YAP1: variants seen among roughly 807,000 people sequenced by gnomAD.
YAP1 encodes transcriptional coactivator YAP1.
Under a neutral mutation model 56.9 loss-of-function variants are expected in YAP1, and 5 were observed. The ratio of observed to expected loss-of-function variants is 0.09; its 90% confidence interval spans 0.05 to 0.18. YAP1 has a LOEUF of 0.18. Among genes scored for constraint, YAP1 ranks in the 10% least tolerant of loss-of-function variants. The probability of loss-of-function intolerance (pLI) is 1.00; values close to 1 mark genes in which losing one functional copy is unlikely to be tolerated. For missense variants in YAP1, 539 were observed against 651.8 expected (o/e 0.83, Z 1.88); for synonymous variants, 265 against 248.1 (o/e 1.07, Z -0.64).
intron 3 of YAP1, among the ~76,000 whole-genome samples, chr11:102,165,778 CAGAT>C (rs1946568951): frequency 6.6e-6 from 1 of 152,030 alleles, no homozygotes; most frequent in Non-Finnish European, 1.5e-5. Flanking sequence ...GGATAACTGA[CAGAT>C]AGGATAACTG....
At chr11:102,123,103 A>T (rs868847405) in intron 2 of YAP1, among the ~76,000 whole-genome samples, 1 of 152,098 alleles carries the variant, frequency 6.6e-6, no homozygotes. Flanking sequence ...CTTTTCTTTA[A>T]TCCTCCCATT....
chr11:102,225,175 T>C (rs2135709846), intron 7 of YAP1, among the ~76,000 whole-genome samples: 1 of 142,042 alleles, frequency 7.0e-6, no homozygotes, highest in Middle Eastern at 3.6e-3. Flanking sequence ...TTGACTTTTT[T>C]TTTCTTTAAA....
chr11:102,142,458 T>C (rs1945077081), intron 2 of YAP1, among the ~76,000 whole-genome samples: 1 of 152,220 alleles, frequency 6.6e-6, no homozygotes, highest in Non-Finnish European at 1.5e-5. Flanking sequence ...GTTTCTGATT[T>C]GTACTTTTCT....
intron 4 of YAP1, among the ~76,000 whole-genome samples, chr11:102,200,743 C>G (rs1264806026): frequency 1.3e-5 from 2 of 152,048 alleles, no homozygotes; most frequent in African/African-American, 4.8e-5. Context: ...CCATGCCTGG[C>G]TAAGAATAAG....
At chr11:102,193,913 A>G (rs1193681104) in intron 4 of YAP1, among the ~76,000 whole-genome samples, 2 of 149,736 alleles carry the variant, frequency 1.3e-5, no homozygotes, top group Non-Finnish European at 1.5e-5. Context: ...ATCTTGGCTC[A>G]CTGCAACCTC....
At chr11:102,149,008 CT>C (rs774340579) in intron 2 of YAP1, among the ~76,000 whole-genome samples, 1 of 152,010 alleles carries the variant, frequency 6.6e-6, no homozygotes. Flanking sequence ...TTTTTTACTG[CT>C]TTGTGTGGTA....
intron 3 of YAP1, 29 bp downstream of exon 3, chr11:102,162,600 T>C: frequency 6.3e-7 from 1 of 1,597,780 alleles, no homozygotes; most frequent in Non-Finnish European, 8.6e-7. Context: ...TTACAGCACA[T>C]GGAGTAATGC....
At chr11:102,227,305 C>G (rs1950240177) in intron 7 of YAP1, among the ~76,000 whole-genome samples, 164 bp from the exon 8 acceptor site, 1 of 152,230 alleles carries the variant, frequency 6.6e-6, no homozygotes, top group South Asian at 2.1e-4. Context: ...AGCACAAGCC[C>G]TGTCTATGGC....
chr11:102,157,716 G>A (rs1946036030), intron 2 of YAP1, among the ~76,000 whole-genome samples: 1 of 152,160 alleles, frequency 6.6e-6, no homozygotes, highest in Non-Finnish European at 1.5e-5. Flanking sequence ...TCAGGGAAGT[G>A]GGTGACTTGG....
At chr11:102,119,846 ATT>A (rs1400354467) in intron 2 of YAP1, among the ~76,000 whole-genome samples, 2 of 152,176 alleles carry the variant, frequency 1.3e-5, no homozygotes, top group Non-Finnish European at 2.9e-5. Context: ...ATATATAGAA[ATT>A]TAAGCTTAGG....
At chr11:102,200,374 C>T (rs1031905538) in intron 4 of YAP1, among the ~76,000 whole-genome samples, 4 of 150,408 alleles carry the variant, frequency 2.7e-5, no homozygotes, top group Non-Finnish European at 4.4e-5. Context: ...GTGAATTTCT[C>T]TGTAGTTTGA....
chr11:102,229,588 T>A, intron 8 of YAP1, 114 bp from the exon 9 acceptor site: 1 of 878,264 alleles, frequency 1.1e-6, no homozygotes, highest in Admixed American at 2.4e-5. Flanking sequence ...AGGTATCAGT[T>A]TAGGTCAGTC....
chr11:102,191,747 A>G (rs1247860272), intron 4 of YAP1, among the ~76,000 whole-genome samples: 1 of 152,044 alleles, frequency 6.6e-6, no homozygotes, highest in Non-Finnish European at 1.5e-5. Context: ...GCATGGCTCA[A>G]TCTCAGTTCA....
Position 102,229,594 on chromosome 11 carries a change from C to G in YAP1, c.1277-108C>G, listed in dbSNP as rs1352623723. On this transcript the variant is annotated intron_variant, in intron 8 of 8. Coordinates refer to ENST00000282441, the MANE Select transcript of YAP1 (RefSeq NM_001130145.3). The stretch of plus-strand genomic sequence containing the variant: ...ATAAATTCTAGGTATCAGTTTAGGT[C>G]AGTCAGGAGCGCTTTTCTTTCCCTG... The G allele has an allele frequency of 4.2e-6, 4 of 944,804 alleles. No homozygotes were observed. The African/African-American group carries it at 6.6e-5, about 16-fold the overall frequency. 58.5% of individuals were successfully genotyped at this position (944,804 alleles called of 1,614,324 possible).
chr11:102,150,723 A>T (rs569630080), intron 2 of YAP1, among the ~76,000 whole-genome samples: 10 of 152,074 alleles, frequency 6.6e-5, no homozygotes, highest in African/African-American at 2.2e-4. Flanking sequence ...ATATTGTCAT[A>T]TTAAGAATAT....
At chr11:102,135,584 A>G (rs1286393843) in intron 2 of YAP1, among the ~76,000 whole-genome samples, 1 of 152,178 alleles carries the variant, frequency 6.6e-6, no homozygotes, top group South Asian at 2.1e-4. Flanking sequence ...GAGATTTCCT[A>G]GAGAGGCAGC....
At chr11:102,208,022 C>T (rs964563643) in intron 5 of YAP1, among the ~76,000 whole-genome samples, 3 of 152,198 alleles carry the variant, frequency 2.0e-5, no homozygotes, top group African/African-American at 7.2e-5. Context: ...CTTTGATCCC[C>T]TCCTCAAAAT....
At chr11:102,205,472 C>A (rs1329055300) in intron 4 of YAP1, among the ~76,000 whole-genome samples, 1 of 152,150 alleles carries the variant, frequency 6.6e-6, no homozygotes, top group Non-Finnish European at 1.5e-5. Context: ...GTCCTTTAGT[C>A]ACCCAGTTTC....
At chr11:102,205,245 C>T (rs773123532) in intron 4 of YAP1, among the ~76,000 whole-genome samples, 2 of 151,848 alleles carry the variant, frequency 1.3e-5, no homozygotes, top group Non-Finnish European at 2.9e-5. Flanking sequence ...CTTGTGGACT[C>T]AATTTGATAT....
Sources: gnomAD v4.1 joint callset for allele counts (sites outside exome capture counted in the v4.1 genomes callset) on GRCh38, gnomAD v4.1.1 for gene constraint, MANE v1.5 for transcripts, NCBI Gene and HGNC (gene_info 2026-07-23, HGNC 2026-07-21) for gene names.